Variants in DOK6 observed in about 807,000 individuals in gnomAD.
The protein encoded by DOK6 is docking protein 6, also known as downstream of tyrosine kinase 6.
In DOK6, 22 loss-of-function variants were observed where a neutral mutation model predicts 44.0. That is an observed-to-expected ratio of 0.50 (90% CI 0.36 to 0.71). The LOEUF (loss-of-function observed/expected upper bound fraction) is 0.71. DOK6 is among the 30% of genes least tolerant of loss of function. The pLI is 0.00. For missense variants in DOK6, 340 were observed against 416.4 expected (o/e 0.82, Z 1.60); for synonymous variants, 166 against 145.5 (o/e 1.14, Z -1.01).
intron 1 of DOK6, among the ~76,000 whole-genome samples, chr18:69,510,296 A>T (rs898697669): frequency 6.6e-6 from 1 of 152,318 alleles, no homozygotes; most frequent in African/African-American, 2.4e-5. Context: ...ATCATACAAT[A>T]TTGCTTTTAG....
chr18:69,515,695 G>T (rs1276325562), intron 1 of DOK6, among the ~76,000 whole-genome samples: 1 of 152,092 alleles, frequency 6.6e-6, no homozygotes, highest in East Asian at 1.9e-4. Flanking sequence ...AAAGATATAT[G>T]GTTCCTAATC....
At chr18:69,823,439 C>T (rs1258916363) in intron 7 of DOK6, among the ~76,000 whole-genome samples, 5 of 152,040 alleles carry the variant, frequency 3.3e-5, no homozygotes. Context: ...AGTGTGAGGG[C>T]GAGCATTCCT....
At chr18:69,504,164 T>C (rs773879776) in intron 1 of DOK6, among the ~76,000 whole-genome samples, 5 of 152,064 alleles carry the variant, frequency 3.3e-5, no homozygotes, top group Non-Finnish European at 7.4e-5. Flanking sequence ...TCTAGGCAGC[T>C]AGATGAGTAG....
chr18:69,529,455 CTTTA>C (rs1002089778), intron 1 of DOK6, among the ~76,000 whole-genome samples: 5 of 152,178 alleles, frequency 3.3e-5, no homozygotes, highest in Admixed American at 2.0e-4. Flanking sequence ...CCTCCGCAAT[CTTTA>C]TTTATTTGTG....
intron 1 of DOK6, among the ~76,000 whole-genome samples, chr18:69,444,828 T>C (rs1979237211): frequency 6.6e-6 from 1 of 152,062 alleles, no homozygotes; most frequent in South Asian, 2.1e-4. Context: ...TATTTTTTAC[T>C]ATTATGGCTA....
intron 3 of DOK6, among the ~76,000 whole-genome samples, chr18:69,637,283 C>T (rs1260169447): frequency 6.6e-6 from 1 of 152,164 alleles, no homozygotes; most frequent in Non-Finnish European, 1.5e-5. Flanking sequence ...TAAATTTTCA[C>T]GGTCACGTGA....
intron 1 of DOK6, among the ~76,000 whole-genome samples, chr18:69,501,006 CT>C (rs1456726778): frequency 6.6e-6 from 1 of 151,060 alleles, no homozygotes; most frequent in African/African-American, 2.4e-5. Flanking sequence ...TTCCCTTCTA[CT>C]TTTTTTGAAA....
chr18:69,511,646 A>G (rs1981367945), intron 1 of DOK6, among the ~76,000 whole-genome samples: 1 of 152,222 alleles, frequency 6.6e-6, no homozygotes. Context: ...AATATATTAA[A>G]GATTTTTCAT....
intron 1 of DOK6, among the ~76,000 whole-genome samples, chr18:69,480,610 A>G (rs1980390131): frequency 2.0e-5 from 3 of 152,254 alleles, no homozygotes; most frequent in African/African-American, 7.2e-5. Flanking sequence ...ATTAAGATCT[A>G]TTTGTCAGTT....
intron 1 of DOK6, among the ~76,000 whole-genome samples, chr18:69,494,540 T>G (rs746649943): frequency 1.3e-5 from 2 of 152,160 alleles, no homozygotes; most frequent in Non-Finnish European, 2.9e-5. Context: ...ACAATTACTG[T>G]CTATAGTTAG....
intron 2 of DOK6, among the ~76,000 whole-genome samples, chr18:69,568,196 T>C (rs1210615956): frequency 6.6e-6 from 1 of 152,204 alleles, no homozygotes; most frequent in African/African-American, 2.4e-5. Flanking sequence ...GGGCATGCCA[T>C]ATGCACAGCG....
At chr18:69,583,752 C>CAAAAAAA (rs36222332) in intron 2 of DOK6, among the ~76,000 whole-genome samples, 37 of 143,750 alleles carry the variant, frequency 2.6e-4, no homozygotes, top group African/African-American at 5.9e-4. Flanking sequence ...TCCATCCATA[C>CAAAAAAA]AAAAAAAAAA....
intron 1 of DOK6, among the ~76,000 whole-genome samples, chr18:69,526,847 A>T (rs925110009): frequency 6.6e-6 from 1 of 152,232 alleles, no homozygotes; most frequent in Non-Finnish European, 1.5e-5. Flanking sequence ...TAACACATGT[A>T]TATACATATA....
chr18:69,402,652 T>C (rs1400294602), intron 1 of DOK6, among the ~76,000 whole-genome samples: 2 of 152,120 alleles, frequency 1.3e-5, no homozygotes, highest in Non-Finnish European at 2.9e-5. Context: ...CAGGGGCCCA[T>C]TCTGGAACTT....
At chr18:69,715,045 A>G (rs1986851940) in intron 5 of DOK6, among the ~76,000 whole-genome samples, 1 of 152,206 alleles carries the variant, frequency 6.6e-6, no homozygotes, top group Non-Finnish European at 1.5e-5. Flanking sequence ...TCCTTTATAT[A>G]TGACTAAATG....
intron 3 of DOK6, among the ~76,000 whole-genome samples, chr18:69,617,258 T>A (rs1336646276): frequency 6.6e-6 from 1 of 151,582 alleles, no homozygotes; most frequent in Non-Finnish European, 1.5e-5. Flanking sequence ...AGGTTGAGGC[T>A]GCTGTGAGCT....
At chr18:69,813,477 G>A (rs1345681682) in intron 7 of DOK6, among the ~76,000 whole-genome samples, 3 of 151,984 alleles carry the variant, frequency 2.0e-5, no homozygotes, top group African/African-American at 7.3e-5. Context: ...AGTATGATTG[G>A]GGAGGCCCAA....
intron 7 of DOK6, among the ~76,000 whole-genome samples, chr18:69,797,384 A>T (rs1980776887): frequency 6.6e-6 from 1 of 152,134 alleles, no homozygotes; most frequent in Admixed American, 6.6e-5. Flanking sequence ...TTGCCTCAGG[A>T]AGTTAACATC....
At chr18:69,732,710 G>A (rs1191700347) in intron 5 of DOK6, among the ~76,000 whole-genome samples, 2 of 152,148 alleles carry the variant, frequency 1.3e-5, no homozygotes, top group Non-Finnish European at 2.9e-5. Flanking sequence ...TGGAAGAATT[G>A]TAGAGTTTGA....
Sources: allele counts gnomAD v4.1 joint callset (sites outside exome capture counted in the v4.1 genomes callset), GRCh38; gene constraint gnomAD v4.1.1; transcripts MANE v1.5; gene names NCBI Gene and HGNC (gene_info 2026-07-23, HGNC 2026-07-21).